GPX8: variants seen among roughly 807,000 people sequenced by gnomAD.
GPX8 encodes the protein glutathione peroxidase 8 (putative).
In GPX8, 12 loss-of-function variants were observed where a neutral mutation model predicts 17.8. That is an observed-to-expected ratio of 0.67 (90% CI 0.43 to 1.09). The LOEUF is 1.09. GPX8 is among the 50% of genes least tolerant of loss of function. The pLI is 0.00. For synonymous variants in GPX8, 86 were observed against 88.1 expected, an observed-to-expected ratio of 0.98 and a Z score of 0.14; for missense variants, 209 against 235.6, an observed-to-expected ratio of 0.89 and a Z score of 0.74.
At chr5:55,162,090 C>CAAAAAAAA (rs34286995) in intron 2 of GPX8, among the ~76,000 whole-genome samples, 1 of 90,728 alleles carries the variant, frequency 1.1e-5, no homozygotes, top group African/African-American at 4.0e-5. Context: ...CCATATTAGT[C>CAAAAAAAA]AAAAAAAAAA....
chr5:55,162,831 A>T (rs1744154263), intron 2 of GPX8, among the ~76,000 whole-genome samples: 1 of 152,248 alleles, frequency 6.6e-6, no homozygotes. Context: ...CTGTGTAATC[A>T]AAAAGGTAAC....
In GPX8 at chr5:55,164,400, G is replaced by A. The variant is rs1744269401; in HGVS notation, c.*182G>A. The A allele has an allele frequency of 2.6e-6, 1 of 387,602 alleles. No individual in the cohort carries two copies. Among genetic ancestry groups the A allele is most frequent in the East Asian group, 3.8e-5 (1 of 26,068 alleles). 24.0% of individuals were successfully genotyped at this position (387,602 alleles called of 1,614,324 possible). A position where few individuals can be genotyped will look rare whatever the true frequency, so the allele number is the denominator to read the frequency against. On this transcript the variant is annotated 3_prime_UTR_variant, in exon 3 of 3. Transcript: ENST00000503787. Reference sequence around the variant, plus strand: ...CATGCTATTAAATGTGGCAATGAAGGATTTTTTTTTAATGTTATCTTGCTA... The same window carrying A: ...CATGCTATTAAATGTGGCAATGAAGAATTTTTTTTTAATGTTATCTTGCTA...
intron 2 of GPX8, 132 bp downstream of exon 2, chr5:55,161,387 A>C: frequency 2.3e-6 from 2 of 854,560 alleles, no homozygotes; most frequent in Non-Finnish European, 3.6e-6. Flanking sequence ...TCAAAGAGCC[A>C]GAATCTCATC....
At chr5:55,162,065 A>G (rs530541078) in intron 2 of GPX8, among the ~76,000 whole-genome samples, 35 of 142,106 alleles carry the variant, frequency 2.5e-4, no homozygotes, top group Non-Finnish European at 4.8e-4. Flanking sequence ...GCTCTGTGCC[A>G]GACACTGTTC....
rs1237845197 is a variant in GPX8 at position 55,166,711 on chromosome 5, G to A, written c.*2493G>A. ...GGACACAGAGTGCTACAGGATGCCT[G>A]GGCTAAGGACTGTAACAGAAAAATA... On this transcript the variant is annotated 3_prime_UTR_variant, in exon 3 of 3. Coordinates refer to ENST00000503787, the MANE Select transcript of GPX8 (RefSeq NM_001008397.4). 5 of 152,198 alleles carry A rather than the reference G, an allele frequency of 3.3e-5. No homozygotes were observed. Among genetic ancestry groups the A allele is most frequent in the African/African-American group, 1.2e-4 (5 of 41,418 alleles). The allele number at this position is 152,198 out of a possible 1,614,324, so 9.4% of individuals were successfully genotyped here.
At position 55,166,125 on chromosome 5, in the gene GPX8, G is replaced by A. The variant is rs924373115; in HGVS notation, c.*1907G>A. 2 of 152,238 alleles carry A rather than the reference G, an allele frequency of 1.3e-5. No homozygotes were observed. The highest frequency in any genetic ancestry group is 2.4e-5 in the African/African-American group (1 of 41,460). 9.4% of individuals were successfully genotyped at this position (152,238 alleles called of 1,614,324 possible). On this transcript the variant is annotated 3_prime_UTR_variant, in exon 3 of 3. Transcript: ENST00000503787. ...CCTTCCATGAACTCATAGCAGTGCT[G>A]TGGCACTGCAGGGGTGTTTTATGCA...
chr5:55,160,697 G>C (rs1231204243), intron 1 of GPX8: 3 of 447,450 alleles, frequency 6.7e-6, no homozygotes, highest in South Asian at 4.0e-5. Context: ...TAAAAGTATT[G>C]GTTCTATAAT....
intron 1 of GPX8, 193 bp downstream of exon 1, chr5:55,160,589 G>A (rs1005633750): frequency 1.8e-6 from 1 of 552,072 alleles, no homozygotes; most frequent in South Asian, 2.6e-5. Flanking sequence ...CGATTATCTC[G>A]TTTTCTTTAA....
chr5:55,162,898 A>G (rs1389516959), intron 2 of GPX8, among the ~76,000 whole-genome samples: 4 of 152,242 alleles, frequency 2.6e-5, no homozygotes, highest in Non-Finnish European at 5.9e-5. Context: ...CCAAAGGTTA[A>G]GAGCATGAGC....
chr5:55,166,460 C>A lies in GPX8; in HGVS notation c.*2242C>A, dbSNP rs1472913917. The A allele has an allele frequency of 6.6e-6, 1 of 152,192 alleles. No homozygotes were observed. The highest frequency in any genetic ancestry group is 1.5e-5 in the Non-Finnish European group (1 of 68,062). The allele number at this position is 152,192 out of a possible 1,614,324, so 9.4% of individuals were successfully genotyped here. A position where few individuals can be genotyped will look rare whatever the true frequency, so the allele number is the denominator to read the frequency against. On this transcript the variant is annotated 3_prime_UTR_variant, in exon 3 of 3. Transcript: ENST00000503787. Reference sequence around the variant, plus strand: ...GGCAGGAGGAGATTTGAAAGCGTGTCATACATATTGCCTTGAAAGAAAGGA... The same window carrying A: ...GGCAGGAGGAGATTTGAAAGCGTGTAATACATATTGCCTTGAAAGAAAGGA...
intron 1 of GPX8, 72 bp downstream of exon 1, chr5:55,160,468 AT>A (rs1165729276): frequency 3.6e-5 from 46 of 1,264,594 alleles, no homozygotes; most frequent in Non-Finnish European, 4.8e-5. Context: ...AATAAAATCA[AT>A]TTTTTGCTGT....
chr5:55,162,683 G>A (rs544893958), intron 2 of GPX8, among the ~76,000 whole-genome samples: 1 of 152,330 alleles, frequency 6.6e-6, no homozygotes, highest in East Asian at 1.9e-4. Context: ...TTATTTTGAA[G>A]GTCCACTGAG....
At chr5:55,163,003 G>A (rs746029860) in intron 2 of GPX8, among the ~76,000 whole-genome samples, 13 of 152,166 alleles carry the variant, frequency 8.5e-5, no homozygotes, top group Admixed American at 7.2e-4. Flanking sequence ...TCTGCAAAAC[G>A]GGGATGATAA....
chr5:55,161,320 C>G, intron 2 of GPX8, 65 bp downstream of exon 2: 1 of 1,388,278 alleles, frequency 7.2e-7, no homozygotes, highest in Non-Finnish European at 9.9e-7. Context: ...TATACCAGGA[C>G]AATACTTTCC....
rs1391202668 is a variant in GPX8 at position 55,161,214 on chromosome 5, T to G, written c.425T>G (p.Ile142Ser). Residue 142 changes from isoleucine (I) to serine (S), a missense_variant, in exon 2 of 3, where the codon ATT becomes AGT. By Grantham distance (142) the Ile-to-Ser change is moderately radical. Transcript: ENST00000503787. ...TTCCCCATCTTCCACAAGATTAAGA[T>G]TCTAGGATCTGAAGGAGAACCTGCA... ...VTFPIFHKIK[I>S]LGSEGEPAFR... 6.2e-7 allele frequency: 1 copy of G among 1,614,174 alleles called. No homozygotes were observed. The highest frequency in any genetic ancestry group is 1.3e-5 in the African/African-American group (1 of 75,068).
chr5:55,166,744 C>T lies in GPX8; in HGVS notation c.*2526C>T, dbSNP rs563580320. The stretch of plus-strand genomic sequence containing the variant: ...GACTGTAACAGAAAAATATCAACAT[C>T]AGAGCCTGGCACAGTGGCTCACACC... On this transcript the variant is annotated 3_prime_UTR_variant, in exon 3 of 3. Coordinates refer to ENST00000503787, the MANE Select transcript of GPX8 (RefSeq NM_001008397.4). The T allele has an allele frequency of 2.0e-5, 3 of 152,390 alleles. No homozygotes were observed. Among genetic ancestry groups the T allele is most frequent in the Admixed American group, 2.0e-4 (3 of 15,280 alleles). 9.4% of individuals were successfully genotyped at this position (152,390 alleles called of 1,614,324 possible). A position where few individuals can be genotyped will look rare whatever the true frequency, so the allele number is the denominator to read the frequency against.
In GPX8 at chr5:55,160,228, C is replaced by T. The variant is rs768067909; in HGVS notation, c.36C>T (p.Ser12=). The part of the protein sequence containing the change: ...EPLAAYPLKC[S]GPRAKVFAVL... Reference sequence around the variant, plus strand: ...TTGCAGCTTACCCGCTAAAATGTTCCGGGCCCAGAGCAAAGGTATTTGCAG... The same window carrying T: ...TTGCAGCTTACCCGCTAAAATGTTCTGGGCCCAGAGCAAAGGTATTTGCAG... Residue 12 remains serine (S), a synonymous_variant, in exon 1 of 3, where the codon TCC becomes TCT. Coordinates refer to ENST00000503787, the MANE Select transcript of GPX8 (RefSeq NM_001008397.4). 5.0e-6 allele frequency: 8 copies of T among 1,613,962 alleles called. No individual in the cohort carries two copies. The Admixed American group carries it at 6.7e-5, about 13-fold the overall frequency.
rs1306530672 is a variant in GPX8, at chr5:55,161,043, ATTAC to A, written c.258_261del (p.Tyr86Ter). On this transcript the variant is annotated frameshift_variant, in exon 2 of 3. Coordinates refer to ENST00000503787, the MANE Select transcript of GPX8 (RefSeq NM_001008397.4). LOFTEE classifies it high-confidence loss of function. ...AGTGACTGCCAACTCACAGACAGAA[ATTAC>A]TTAGGGCTGAAGGAACTGCACAAAG... The A allele has an allele frequency of 6.2e-7, 1 of 1,614,090 alleles. No individual in the cohort carries two copies. The highest frequency in any genetic ancestry group is 8.5e-7 in the Non-Finnish European group (1 of 1,180,000).
In GPX8 at chr5:55,164,813, G is replaced by T. The variant is rs1744294399; in HGVS notation, c.*595G>T. ...ATTTTGTTTTTTCTTTTTAAGTACA[G>T]GTTCCTAGTGTTTTACTATAACTGT... On this transcript the variant is annotated 3_prime_UTR_variant, in exon 3 of 3. Coordinates refer to ENST00000503787, the MANE Select transcript of GPX8 (RefSeq NM_001008397.4). 1 of 152,064 alleles carries T rather than the reference G, an allele frequency of 6.6e-6. No individual in the cohort carries two copies. Among genetic ancestry groups the T allele is most frequent in the African/African-American group, 2.4e-5 (1 of 41,414 alleles). 9.4% of individuals were successfully genotyped at this position (152,064 alleles called of 1,614,324 possible).
Sources: gnomAD v4.1 joint callset for allele counts (sites outside exome capture counted in the v4.1 genomes callset) on GRCh38, gnomAD v4.1.1 for gene constraint, MANE v1.5 for transcripts, NCBI Gene and HGNC (gene_info 2026-07-23, HGNC 2026-07-21) for gene names.